L3MBTL1: variants seen among roughly 807,000 people sequenced by gnomAD.
L3MBTL1 encodes the protein L3MBTL histone methyl-lysine binding protein 1, also known as lethal(3)malignant brain tumor-like protein 1.
In L3MBTL1, 75 loss-of-function variants were observed where a neutral mutation model predicts 105.3. That is an observed-to-expected ratio of 0.71 (90% CI 0.59 to 0.86). L3MBTL1 has a LOEUF of 0.86. L3MBTL1 is among the 40% of genes least tolerant of loss of function. The probability of loss-of-function intolerance (pLI) is 0.00; values close to 1 mark genes in which losing one functional copy is unlikely to be tolerated. For missense variants in L3MBTL1, 1,069 were observed against 1,126.4 expected (o/e 0.95, Z 0.73); for synonymous variants, 452 against 436.2 (o/e 1.04, Z -0.45).
chr20:43,531,409 C>T (rs2019327665), intron 11 of L3MBTL1: 1 of 153,778 alleles, frequency 6.5e-6, no homozygotes, highest in South Asian at 2.0e-4. Context: ...ATACAGGGAG[C>T]CTCCATTAAA....
downstream of L3MBTL1, among the ~76,000 whole-genome samples, chr20:43,543,032 C>T (rs973687809): frequency 1.3e-5 from 2 of 151,914 alleles, no homozygotes; most frequent in African/African-American, 4.8e-5. Flanking sequence ...GTTTGGGGTT[C>T]ATAAAAGCCC....
Position 43,536,406 on chromosome 20 carries a change from C to T in L3MBTL1, c.2124-3C>T. The T allele has an allele frequency of 6.2e-7, 1 of 1,614,064 alleles. No homozygotes were observed. Among genetic ancestry groups the T allele is most frequent in the Non-Finnish European group, 8.5e-7 (1 of 1,180,036 alleles). ...GCCATGGACCTGGTCCGTCTTTCTC[C>T]AGAATTGGACGCCCTCCGAAGTATC... is the stretch of plus-strand genomic sequence containing the variant. On this transcript the variant is annotated splice_region_variant and splice_polypyrimidine_tract_variant and intron_variant, in intron 18 of 21. Coordinates refer to ENST00000418998, the MANE Select transcript of L3MBTL1 (RefSeq NM_001377303.1).
At chr20:43,544,632 T>C (rs1311604331), downstream of L3MBTL1, among the ~76,000 whole-genome samples, 1 of 152,100 alleles carries the variant, frequency 6.6e-6, no homozygotes, top group Admixed American at 6.6e-5. Context: ...TCAGGCGATA[T>C]ACAAGGAACC....
intron 9 of L3MBTL1, 96 bp downstream of exon 9, chr20:43,529,464 C>T: frequency 1.2e-6 from 1 of 825,724 alleles, no homozygotes; most frequent in Non-Finnish European, 2.0e-6. Flanking sequence ...TCCCTCCCCT[C>T]AGAGCACACA....
In L3MBTL1 at chr20:43,534,365, G is replaced by A. The variant is rs148690220; in HGVS notation, c.1681G>A (p.Val561Met). 5.9e-4 allele frequency: 951 copies of A among 1,614,002 alleles called. No individual in the cohort carries two copies. Among genetic ancestry groups the A allele is most frequent in the Non-Finnish European group, 7.6e-4 (893 of 1,179,994 alleles). ...RNPALIRVAS[V>M]EDVEDHRIKI... ...CCCAGCCCTGATTCGCGTGGCCAGC[G>A]TGGAGGATGTGGAGGACCATCGGAT... Residue 561 changes from valine (V) to methionine (M), a missense_variant, in exon 15 of 22, where the codon GTG (valine) becomes ATG (methionine). By Grantham distance (21) the Val-to-Met change is conservative. Transcript: ENST00000418998.
In L3MBTL1 at chr20:43,541,093, G is replaced by A. The variant is rs1325278942; in HGVS notation, c.2554G>A (p.Ala852Thr). 1.2e-6 allele frequency: 2 copies of A among 1,614,080 alleles called. No individual in the cohort carries two copies. The highest frequency in any genetic ancestry group is 1.7e-6 in the Non-Finnish European group (2 of 1,179,982). Residue 852 changes from alanine (A) to threonine (T), a missense_variant, in exon 22 of 22, where the codon GCC becomes ACC. Coordinates refer to ENST00000418998, the MANE Select transcript of L3MBTL1 (RefSeq NM_001377303.1). ...CTGCTCTCTACCCACTCATTTGCTTGCCAAACTTAGCTTTGCCAGTGATAG... is the reference window on the plus strand; with the variant it reads ...CTGCTCTCTACCCACTCATTTGCTTACCAAACTTAGCTTTGCCAGTGATAG... The part of the protein sequence containing the change: ...LLCSLPTHLL[A>T]KLSFASDSQY
Position 43,541,206 on chromosome 20 carries a change from C to T in L3MBTL1, c.*78C>T. On this transcript the variant is annotated 3_prime_UTR_variant, in exon 22 of 22. Transcript: ENST00000418998. Reference sequence around the variant, plus strand: ...TGAATGACACAGATATTGTGATTTACTGCAAGGATCCTAACACACACTTAA... The same window carrying T: ...TGAATGACACAGATATTGTGATTTATTGCAAGGATCCTAACACACACTTAA... 1 of 1,551,156 alleles carries T rather than the reference C, an allele frequency of 6.4e-7. No individual in the cohort carries two copies. Among genetic ancestry groups the T allele is most frequent in the Non-Finnish European group, 8.7e-7 (1 of 1,147,836 alleles).
At chr20:43,535,657 C>G (rs1043125880) in intron 16 of L3MBTL1, among the ~76,000 whole-genome samples, 180 bp from the exon 17 acceptor site, 1 of 152,166 alleles carries the variant, frequency 6.6e-6, no homozygotes, top group African/African-American at 2.4e-5. Context: ...GCTAAGCCCT[C>G]CTTACCCAGA....
At position 43,534,871 on chromosome 20, in the gene L3MBTL1, A is replaced by T. The variant is rs1321664316; in HGVS notation, c.1754A>T (p.Asp585Val). 1 of 1,610,478 alleles carries T rather than the reference A, an allele frequency of 6.2e-7. No individual in the cohort carries two copies. The highest frequency in any genetic ancestry group is 1.7e-5 in the Admixed American group (1 of 59,802). The change falls in exon 16 of 22, where the codon GAC becomes GTC. Residue 585 changes from aspartate to valine, a missense_variant. Asp to Val is a radical substitution (Grantham distance 152, BLOSUM62 -3). Coordinates refer to ENST00000418998, the MANE Select transcript of L3MBTL1 (RefSeq NM_001377303.1). ...AGTCATGGCTATGATTTCTGGATCGACGCTGACCACCCAGACATCCACCCT... is the reference window on the plus strand; with the variant it reads ...AGTCATGGCTATGATTTCTGGATCGTCGCTGACCACCCAGACATCCACCCT... ...GWSHGYDFWI[D>V]ADHPDIHPAG... is the part of the protein sequence containing the mutation.
At chr20:43,524,470 A>G (rs2145424884) in intron 7 of L3MBTL1, among the ~76,000 whole-genome samples, 1 of 152,320 alleles carries the variant, frequency 6.6e-6, no homozygotes, top group Middle Eastern at 3.4e-3. Flanking sequence ...AGAAATAGAT[A>G]TGTCAACAGA....
chr20:43,528,136 A>G (rs1600930456), intron 7 of L3MBTL1, among the ~76,000 whole-genome samples: 1 of 151,654 alleles, frequency 6.6e-6, no homozygotes, highest in Non-Finnish European at 1.5e-5. Flanking sequence ...CAAGTGATTC[A>G]CCTGCCTCGG....
intron 7 of L3MBTL1, 80 bp from the exon 8 acceptor site, chr20:43,528,577 A>T (rs775208239): frequency 5.0e-6 from 5 of 999,900 alleles, no homozygotes; most frequent in Non-Finnish European, 8.0e-6. Context: ...GGGTGAAGGT[A>T]GAGCTTGGTC....
At chr20:43,546,424 T>A (rs1978603874), downstream of L3MBTL1, among the ~76,000 whole-genome samples, 1 of 152,116 alleles carries the variant, frequency 6.6e-6, no homozygotes, top group Non-Finnish European at 1.5e-5. Flanking sequence ...CTGTAGCCTG[T>A]CTGCCTTGGT....
At chr20:43,514,404 G>A in intron 3 of L3MBTL1, 1 of 1,440,942 alleles carries the variant, frequency 6.9e-7, no homozygotes. Flanking sequence ...GAGCCTGGGG[G>A]CGTGGCTTAG....
intron 20 of L3MBTL1, 44 bp downstream of exon 20, chr20:43,540,352 C>T: frequency 1.9e-6 from 3 of 1,601,246 alleles, no homozygotes; most frequent in Non-Finnish European, 2.6e-6. Context: ...TCCTCTCCTC[C>T]TCCCTCTCAC....
chr20:43,529,427 C>T (rs2019211593), intron 9 of L3MBTL1, 59 bp downstream of exon 9: 1 of 1,210,316 alleles, frequency 8.3e-7, no homozygotes, highest in Admixed American at 1.9e-5. Flanking sequence ...ATTGATGGAT[C>T]TTGCTGGGGA....
intron 10 of L3MBTL1, 132 bp from the exon 11 acceptor site, chr20:43,530,666 A>T (rs1307552050): frequency 5.7e-6 from 5 of 879,608 alleles, no homozygotes; most frequent in African/African-American, 3.3e-5. Flanking sequence ...GTAGTGGGGA[A>T]TCCCTGGGCA....
chr20:43,548,056 C>A (rs1978741721), intron 18 of L3MBTL1: 10 of 1,281,240 alleles, frequency 7.8e-6, no homozygotes, highest in African/African-American at 1.5e-5. Flanking sequence ...TTCACCCCTG[C>A]CCCGTGACCC....
chr20:43,521,965 AG>A (rs2018733946), intron 7 of L3MBTL1, among the ~76,000 whole-genome samples: 1 of 152,238 alleles, frequency 6.6e-6, no homozygotes, highest in East Asian at 1.9e-4. Flanking sequence ...AAATATCATA[AG>A]AGATTTTCTT....
Sources: allele counts gnomAD v4.1 joint callset (sites outside exome capture counted in the v4.1 genomes callset), GRCh38; gene constraint gnomAD v4.1.1; transcripts MANE v1.5; gene names NCBI Gene and HGNC (gene_info 2026-07-23, HGNC 2026-07-21).